PCNX1: variants seen among roughly 807,000 people sequenced by gnomAD.
The protein encoded by PCNX1 is pecanex 1.
A neutral mutation model predicts 242.2 loss-of-function variants in PCNX1; 78 were observed. The observed-to-expected ratio is 0.32, with a 90% CI of 0.27 to 0.39. The LOEUF (loss-of-function observed/expected upper bound fraction) is 0.39, where lower values mean the gene tolerates loss of function less well. PCNX1 is among the 10% of genes least tolerant of loss of function. PCNX1 has a pLI of 1.00. For synonymous variants in PCNX1, 1,024 were observed against 1,032.9 expected (o/e 0.99, Z 0.17); for missense variants, 2,581 against 2,856.5 (o/e 0.90, Z 2.20).
intron 23 of PCNX1, among the ~76,000 whole-genome samples, chr14:71,051,327 T>C (rs552315897): frequency 3.9e-5 from 6 of 152,266 alleles, no homozygotes; most frequent in African/African-American, 1.4e-4. Flanking sequence ...ATTTAAAATC[T>C]TACATTTGCA....
chr14:71,031,689 G>T, intron 16 of PCNX1: 1 of 783,338 alleles, frequency 1.3e-6, no homozygotes. Context: ...GTCTGTACAT[G>T]AGCCCCAGAG....
At chr14:71,000,400 T>C (rs1362587624) in intron 8 of PCNX1, among the ~76,000 whole-genome samples, 2 of 152,176 alleles carry the variant, frequency 1.3e-5, no homozygotes, top group African/African-American at 4.8e-5. Context: ...AATGTACATG[T>C]GTATATGCAC....
intron 1 of PCNX1, among the ~76,000 whole-genome samples, chr14:70,940,190 T>A (rs556584395): frequency 6.6e-6 from 1 of 152,216 alleles, no homozygotes; most frequent in Non-Finnish European, 1.5e-5. Flanking sequence ...AGCTGGTTAT[T>A]TTGCCCGTTA....
Position 71,019,130 on chromosome 14 carries a change from G to A in PCNX1, c.3118G>A (p.Val1040Ile), listed in dbSNP as rs750339361. 2.5e-5 allele frequency: 41 copies of A among 1,610,722 alleles called. No individual in the cohort carries two copies. The highest frequency in any genetic ancestry group is 6.7e-5 in the East Asian group (3 of 44,624). ...TATCTGGGTCTTCCAGTTCTGCCTC[G>A]TCATAGCCAGCTGTCAATACTCACT... Reference protein sequence around the residue: ...RDIWVFQFCLVIASCQYSLLK... With the variant: ...RDIWVFQFCLIIASCQYSLLK... The change falls in exon 12 of 36, where the codon GTC (valine) becomes ATC (isoleucine). Residue 1040 changes from valine (V) to isoleucine (I), a missense_variant. By Grantham distance (29) the Val-to-Ile change is conservative. Coordinates refer to ENST00000304743, the MANE Select transcript of PCNX1 (RefSeq NM_014982.3).
rs1205310893 is a variant in PCNX1 at position 70,936,362 on chromosome 14, T to C, written c.154-10553T>C. Among the ~76,000 whole-genome samples, 4 of 147,198 alleles carry C rather than the reference T, an allele frequency of 2.7e-5. No individual in the cohort carries two copies. The East Asian group carries it at 6.6e-4, about 24-fold the overall frequency. ...GCTCCCATTGTTCAGTTCCCACCTATGAGTGAGAACATCTGGTGTTTGGTT... is the reference window on the plus strand; with the variant it reads ...GCTCCCATTGTTCAGTTCCCACCTACGAGTGAGAACATCTGGTGTTTGGTT... On this transcript the variant is annotated intron_variant, in intron 1 of 35. Coordinates refer to ENST00000304743, the MANE Select transcript of PCNX1 (RefSeq NM_014982.3).
chr14:70,997,399 G>C (rs2059384078), intron 8 of PCNX1, among the ~76,000 whole-genome samples: 1 of 152,210 alleles, frequency 6.6e-6, no homozygotes, highest in African/African-American at 2.4e-5. Context: ...TGAAACAGTA[G>C]ATGATTGTCC....
chr14:71,080,133 T>C (rs1458722327), intron 28 of PCNX1, among the ~76,000 whole-genome samples: 1 of 152,206 alleles, frequency 6.6e-6, no homozygotes, highest in East Asian at 1.9e-4. Context: ...TAGGGAATCC[T>C]TTCCCCATTG....
chr14:70,976,831 GA>G, intron 5 of PCNX1, 110 bp from the exon 6 acceptor site: 1 of 941,408 alleles, frequency 1.1e-6, no homozygotes, highest in East Asian at 2.4e-5. Flanking sequence ...AACTACTTGA[GA>G]AATTATTTAT....
intron 30 of PCNX1, 78 bp downstream of exon 30, chr14:71,089,420 C>G: frequency 9.3e-7 from 1 of 1,073,950 alleles, no homozygotes; most frequent in Non-Finnish European, 1.4e-6. Context: ...TTAGTCCATT[C>G]TCACGCTGCT....
chr14:70,939,577 G>A (rs2057150851), intron 1 of PCNX1, among the ~76,000 whole-genome samples: 1 of 152,216 alleles, frequency 6.6e-6, no homozygotes, highest in African/African-American at 2.4e-5. Context: ...TGGAATAAGT[G>A]CAGTGTGTTG....
intron 1 of PCNX1, among the ~76,000 whole-genome samples, chr14:70,930,521 T>A (rs1322733237): frequency 1.3e-5 from 2 of 152,172 alleles, no homozygotes; most frequent in African/African-American, 2.4e-5. Context: ...AAATGTAGGT[T>A]ATGGAGTGAC....
In PCNX1 at chr14:71,045,339, A is replaced by G. The variant is rs74060563; in HGVS notation, c.4018+56A>G. On this transcript the variant is annotated intron_variant, in intron 20 of 35. Coordinates refer to ENST00000304743, the MANE Select transcript of PCNX1 (RefSeq NM_014982.3). ...AATACTATGAGTTTTTCCCTTTGCT[A>G]TATTGATAGATGACTGAGTTAAGTG... 2,377 of 1,216,452 alleles carry G rather than the reference A, an allele frequency of 2.0e-3. 39 individuals are homozygous for G. In the African/African-American group the frequency reaches 0.03, roughly 15 times the overall value. The allele number at this position is 1,216,452 out of a possible 1,614,324, so 75.4% of individuals were successfully genotyped here. A position where few individuals can be genotyped will look rare whatever the true frequency, so the allele number is the denominator to read the frequency against.
At chr14:70,992,236 C>T (rs2059186731) in intron 7 of PCNX1, among the ~76,000 whole-genome samples, 1 of 151,864 alleles carries the variant, frequency 6.6e-6, no homozygotes, top group Admixed American at 6.6e-5. Flanking sequence ...AGTTAATTGC[C>T]TGGAATGGAA....
chr14:70,970,446 C>T (rs1446943475), intron 5 of PCNX1, among the ~76,000 whole-genome samples: 1 of 152,052 alleles, frequency 6.6e-6, no homozygotes, highest in Non-Finnish European at 1.5e-5. Context: ...TAATATGAGA[C>T]CATTACAGTG....
chr14:71,019,170 C>A lies in PCNX1; in HGVS notation c.3150+8C>A. The A allele has an allele frequency of 6.3e-7, 1 of 1,592,182 alleles. No individual in the cohort carries two copies. The highest frequency in any genetic ancestry group is 8.5e-7 in the Non-Finnish European group (1 of 1,170,712). The stretch of plus-strand genomic sequence containing the variant: ...CAATACTCACTGCTTAAGGTACCAG[C>A]ATCTCTTCTTTTCATGCTACGGAAT... On this transcript the variant is annotated splice_region_variant and intron_variant, in intron 12 of 35. Coordinates refer to ENST00000304743, the MANE Select transcript of PCNX1 (RefSeq NM_014982.3).
intron 28 of PCNX1, among the ~76,000 whole-genome samples, chr14:71,083,843 A>G (rs190902755): frequency 6.6e-6 from 1 of 152,032 alleles, no homozygotes; most frequent in Middle Eastern, 3.2e-3. Context: ...TCTGAAGCCT[A>G]CTTCTGTCAA....
chr14:71,018,703 A>G (rs1438598659), intron 11 of PCNX1, among the ~76,000 whole-genome samples: 3 of 152,182 alleles, frequency 2.0e-5, no homozygotes, highest in Non-Finnish European at 2.9e-5. Flanking sequence ...CTATTTTGCA[A>G]CAAATAGAAT....
intron 26 of PCNX1, among the ~76,000 whole-genome samples, chr14:71,068,677 G>T: frequency 8.6e-6 from 1 of 116,244 alleles, no homozygotes. Context: ...CAAAATTACA[G>T]TTATTTTTTA....
rs2058724427 is a variant in PCNX1 at position 70,977,693 on chromosome 14, A to C, written c.1356A>C (p.Glu452Asp). The C allele has an allele frequency of 6.2e-7, 1 of 1,614,048 alleles. No homozygotes were observed. Among genetic ancestry groups the C allele is most frequent in the Non-Finnish European group, 8.5e-7 (1 of 1,180,038 alleles). Residue 452 changes from glutamate to aspartate, a missense_variant, in exon 6 of 36, where the codon GAA becomes GAC. This residue lies in a region of PCNX1 where 1,204 missense variants were observed against 1,216.7 expected (regional missense o/e 0.99). Coordinates refer to ENST00000304743, the MANE Select transcript of PCNX1 (RefSeq NM_014982.3). ...CCAGTGACAAAAGGACTAGCAGTGA[A>C]AAGATTGCTATGGAAGCGAGTACCA... is the stretch of plus-strand genomic sequence containing the variant. ...SCASDKRTSSEKIAMEASTNS... is the reference protein window; with the variant it reads ...SCASDKRTSSDKIAMEASTNS...
Sources: gnomAD v4.1 joint callset for allele counts (sites outside exome capture counted in the v4.1 genomes callset) on GRCh38, gnomAD v4.1.1 for gene constraint, gnomAD v4.1.1 regional missense constraint, MANE v1.5 for transcripts, NCBI Gene and HGNC (gene_info 2026-07-23, HGNC 2026-07-21) for gene names.